SLC16A10: variants seen among roughly 807,000 people sequenced by gnomAD.
The protein encoded by SLC16A10 is solute carrier family 16 member 10, also known as monocarboxylate transporter 10.
Under a neutral mutation model 40.0 loss-of-function variants are expected in SLC16A10, and 27 were observed. The observed-to-expected ratio is 0.67, with a 90% CI of 0.50 to 0.93. SLC16A10 has a LOEUF of 0.93. SLC16A10 is among the 40% of genes least tolerant of loss of function. The probability of loss-of-function intolerance (pLI) is 0.00; values close to 1 mark genes in which losing one functional copy is unlikely to be tolerated. For synonymous variants in SLC16A10, 213 were observed against 249.8 expected (o/e 0.85, Z 1.39); for missense variants, 529 against 658.2 (o/e 0.80, Z 2.15).
intron 1 of SLC16A10, among the ~76,000 whole-genome samples, chr6:111,128,391 C>T (rs376992089): frequency 3.8e-4 from 58 of 152,270 alleles, no homozygotes; most frequent in African/African-American, 1.3e-3. Flanking sequence ...TAACTCTACA[C>T]TAGAGACTGT....
intron 1 of SLC16A10, among the ~76,000 whole-genome samples, chr6:111,091,610 G>C (rs1214634284): frequency 6.6e-6 from 1 of 152,128 alleles, no homozygotes; most frequent in South Asian, 2.1e-4. Context: ...AAAAGTCTGG[G>C]GTTTCCTTTG....
rs762115910 is a variant in SLC16A10 at position 111,177,483 on chromosome 6, C to T, written c.760C>T (p.Leu254Phe). ...LFLAGFTYRPLATSTKDKESG... is the reference protein window; with the variant it reads ...LFLAGFTYRPFATSTKDKESG... ...TCTGGCTGGCTTTACTTACCGACCT[C>T]TTGCTACCAGTACCAAAGATAAAGA... Residue 254 changes from leucine to phenylalanine, a missense_variant, in exon 3 of 6, where the codon CTT (leucine) becomes TTT (phenylalanine). Coordinates refer to ENST00000368851, the MANE Select transcript of SLC16A10 (RefSeq NM_018593.5). 4 of 1,613,998 alleles carry T rather than the reference C, an allele frequency of 2.5e-6. No individual in the cohort carries two copies. The highest frequency in any genetic ancestry group is 2.2e-5 in the East Asian group (1 of 44,892).
chr6:111,123,765 A>G (rs1771623669), intron 1 of SLC16A10, among the ~76,000 whole-genome samples: 1 of 152,182 alleles, frequency 6.6e-6, no homozygotes, highest in African/African-American at 2.4e-5. Context: ...CCGTAATAGT[A>G]ACTTCTGTGA....
chr6:111,116,813 G>A (rs916002623), intron 1 of SLC16A10, among the ~76,000 whole-genome samples: 4 of 152,112 alleles, frequency 2.6e-5, no homozygotes, highest in African/African-American at 9.7e-5. Context: ...TACTTAATTC[G>A]TTGTGGGCAG....
At chr6:111,128,852 A>G (rs959356330) in intron 1 of SLC16A10, among the ~76,000 whole-genome samples, 8 of 151,884 alleles carry the variant, frequency 5.3e-5, no homozygotes, top group Non-Finnish European at 1.2e-4. Flanking sequence ...TCATATTCAT[A>G]TTTTTTCATA....
At chr6:111,204,685 G>A (rs1043116262) in intron 3 of SLC16A10, among the ~76,000 whole-genome samples, 1 of 152,196 alleles carries the variant, frequency 6.6e-6, no homozygotes, top group African/African-American at 2.4e-5. Flanking sequence ...GTTTGCAGAC[G>A]TGTTTTGTTA....
intron 1 of SLC16A10, among the ~76,000 whole-genome samples, chr6:111,146,542 C>T (rs2114509780): frequency 6.6e-6 from 1 of 152,248 alleles, no homozygotes; most frequent in African/African-American, 2.4e-5. Context: ...CGAGACCATC[C>T]TGGCTAATAC....
chr6:111,141,390 C>T (rs767577875), intron 1 of SLC16A10, among the ~76,000 whole-genome samples: 21 of 152,180 alleles, frequency 1.4e-4, no homozygotes, highest in Non-Finnish European at 2.2e-4. Context: ...CAGCTGGGTG[C>T]GATGCCTCAC....
intron 1 of SLC16A10, among the ~76,000 whole-genome samples, chr6:111,089,362 C>A (rs1482100382): frequency 6.6e-6 from 1 of 152,180 alleles, no homozygotes; most frequent in African/African-American, 2.4e-5. Context: ...CAAATTCTTT[C>A]CATTTTAACT....
intron 1 of SLC16A10, among the ~76,000 whole-genome samples, chr6:111,135,998 C>T (rs189081987): frequency 2.8e-4 from 43 of 152,318 alleles, no homozygotes; most frequent in Middle Eastern, 3.4e-3. Flanking sequence ...TCCCAAAACC[C>T]TAAAACAACT....
intron 1 of SLC16A10, among the ~76,000 whole-genome samples, chr6:111,132,263 A>G (rs1193590621): frequency 6.6e-6 from 1 of 152,220 alleles, no homozygotes; most frequent in Non-Finnish European, 1.5e-5. Flanking sequence ...AGAAAAAGAA[A>G]GAGAAAGATA....
At chr6:111,130,509 T>C (rs1448693494) in intron 1 of SLC16A10, among the ~76,000 whole-genome samples, 1 of 152,228 alleles carries the variant, frequency 6.6e-6, no homozygotes, top group Non-Finnish European at 1.5e-5. Context: ...ATGAGCACTG[T>C]TGTACTCTCA....
chr6:111,157,824 C>A (rs1313585958), intron 1 of SLC16A10, among the ~76,000 whole-genome samples: 1 of 150,626 alleles, frequency 6.6e-6, no homozygotes, highest in Non-Finnish European at 1.5e-5. Flanking sequence ...ATCTCCCATG[C>A]AGAAGAATTC....
In SLC16A10 at chr6:111,218,882, C is replaced by T. The variant is rs1212945704; in HGVS notation, c.1155C>T (p.Leu385=). The T allele has an allele frequency of 1.2e-6, 2 of 1,614,098 alleles. No individual in the cohort carries two copies. The highest frequency in any genetic ancestry group is 1.3e-5 in the African/African-American group (1 of 74,994). The change falls in exon 5 of 6, where the codon CTC becomes CTT. Residue 385 remains leucine (L), a synonymous_variant. Transcript: ENST00000368851. ...MIPLCSIFGA[L]IAVCLIMGLF... ...CTCTGTGTAGCATCTTTGGGGCCCT[C>T]ATTGCTGTGTGCCTCATCATGGGTC...
intron 1 of SLC16A10, among the ~76,000 whole-genome samples, chr6:111,161,489 C>G (rs1224871228): frequency 6.6e-6 from 1 of 152,080 alleles, no homozygotes; most frequent in Non-Finnish European, 1.5e-5. Flanking sequence ...GTACATCTAA[C>G]TGCCATTAGA....
intron 3 of SLC16A10, among the ~76,000 whole-genome samples, chr6:111,187,072 C>G (rs954920251): frequency 3.3e-5 from 5 of 152,112 alleles, no homozygotes; most frequent in African/African-American, 1.2e-4. Context: ...GATTTTTGCC[C>G]AATCCTCCAA....
At chr6:111,171,705 A>C (rs951227805) in intron 1 of SLC16A10, among the ~76,000 whole-genome samples, 89 of 151,580 alleles carry the variant, frequency 5.9e-4, no homozygotes, top group African/African-American at 2.1e-3. Context: ...GGTTCTAGCT[A>C]CTTGGAAGAT....
At chr6:111,191,279 C>T (rs1164176856) in intron 3 of SLC16A10, among the ~76,000 whole-genome samples, 1 of 152,130 alleles carries the variant, frequency 6.6e-6, no homozygotes, top group Non-Finnish European at 1.5e-5. Context: ...GTTTGGTTTT[C>T]TAATCCTGTT....
At chr6:111,167,791 G>A (rs542903916) in intron 1 of SLC16A10, among the ~76,000 whole-genome samples, 2 of 151,822 alleles carry the variant, frequency 1.3e-5, no homozygotes, top group East Asian at 3.9e-4. Context: ...GCCTCAGCCT[G>A]CCAAGAAGCT....
Sources: gnomAD v4.1 joint callset for allele counts (sites outside exome capture counted in the v4.1 genomes callset) on GRCh38, gnomAD v4.1.1 for gene constraint, MANE v1.5 for transcripts, NCBI Gene and HGNC (gene_info 2026-07-23, HGNC 2026-07-21) for gene names.